The following ZNF454 variants were observed in gnomAD, a reference collection of about 807,000 sequenced individuals.
ZNF454 encodes the protein zinc finger protein 454.
Under a neutral mutation model 48.2 loss-of-function variants are expected in ZNF454, and 30 were observed. The ratio of observed to expected loss-of-function variants is 0.62; its 90% CI spans 0.47 to 0.84. ZNF454 has a LOEUF of 0.84. Among genes scored for constraint, ZNF454 ranks in the 40% least tolerant of loss-of-function variants. The probability of loss-of-function intolerance (pLI) is 0.00; values close to 1 mark genes in which losing one functional copy is unlikely to be tolerated. For synonymous variants in ZNF454, 204 were observed against 211.4 expected (o/e 0.97, Z 0.30); for missense variants, 510 against 623.1 (o/e 0.82, Z 1.93).
the ZNF454 span, among the ~76,000 whole-genome samples, chr5:178,972,235 AAATAT>A: frequency 6.6e-6 from 1 of 152,160 alleles, no homozygotes; most frequent in African/African-American, 2.4e-5. Flanking sequence ...CACCTGGCTA[AAATAT>A]AATATACAGA....
chr5:178,946,471 A>T lies in ZNF454; in HGVS notation c.146A>T (p.Asn49Ile), dbSNP rs778667821. The T allele has an allele frequency of 6.3e-7, 1 of 1,599,978 alleles. No homozygotes were observed. The highest frequency in any genetic ancestry group is 8.5e-7 in the Non-Finnish European group (1 of 1,176,180). Residue 49 changes from asparagine to isoleucine, a missense_variant, in exon 3 of 5, where the codon AAC becomes ATC. Physicochemically the swap from Asn to Ile is moderately radical, Grantham distance 149. Transcript: ENST00000519564. This position sits in a 1 kb window ranked among gnomAD's most constrained non-coding sequence, Gnocchi z 4.5. ...YRDVMLENYS[N>I]LVSLGLLGPK... ...GACGTGATGCTGGAGAACTACAGCA[A>T]CCTGGTCTCACTGGGTAAGTGGGAC...
the ZNF454 span, chr5:178,983,147 C>T: frequency 1.2e-6 from 2 of 1,613,984 alleles, no homozygotes; most frequent in Middle Eastern, 1.6e-4. Context: ...GCTCGGGGTC[C>T]ACCGTCCGCT....
rs750690545 is a variant in ZNF454 at position 178,959,284 on chromosome 5, G to A, written c.251-5371G>A. Among the ~76,000 whole-genome samples, 3 of 152,132 alleles carry A rather than the reference G, an allele frequency of 2.0e-5. No individual in the cohort carries two copies. In the South Asian group the frequency reaches 6.2e-4, roughly 32 times the overall value. Reference sequence around the variant, plus strand: ...TCATATATGAGGTGACTGCATGTACGTGGGTCTCATTCCGGGTTCCATAAT... The same window carrying A: ...TCATATATGAGGTGACTGCATGTACATGGGTCTCATTCCGGGTTCCATAAT... On this transcript the variant is annotated intron_variant, in intron 4 of 4. Coordinates refer to ENST00000519564, the MANE Select transcript of ZNF454 (RefSeq NM_001178089.3).
intron 2 of ZNF454, among the ~76,000 whole-genome samples, chr5:178,943,289 G>C (rs954591919): frequency 3.3e-5 from 5 of 152,176 alleles, no homozygotes; most frequent in African/African-American, 1.2e-4. Context: ...CATGGCAGAA[G>C]GTGAAGGGGG....
intron 4 of ZNF454, among the ~76,000 whole-genome samples, chr5:178,947,397 A>C (rs1167157747): frequency 6.6e-6 from 1 of 152,172 alleles, no homozygotes; most frequent in Non-Finnish European, 1.5e-5. Flanking sequence ...TGTGCCCACA[A>C]GGTATCTCCT....
At chr5:178,956,669 T>A (rs555821797) in intron 4 of ZNF454, among the ~76,000 whole-genome samples, 167 of 9,726 alleles carry the variant, frequency 0.017, no homozygotes, top group Middle Eastern at 0.083. Context: ...TATTTTATTT[T>A]ATTTAATTTA....
chr5:178,970,388 A>G (rs1362352350), downstream of ZNF454, among the ~76,000 whole-genome samples: 1 of 152,038 alleles, frequency 6.6e-6, no homozygotes, highest in Non-Finnish European at 1.5e-5. Context: ...ATATTTTTGT[A>G]ACAGTTTGTG....
the ZNF454 span, among the ~76,000 whole-genome samples, chr5:178,985,055 C>T: frequency 2.5e-4 from 38 of 152,138 alleles, no homozygotes; most frequent in Admixed American, 1.5e-3. Context: ...CATTATTTAA[C>T]GGCCAGCACG....
intron 4 of ZNF454, among the ~76,000 whole-genome samples, chr5:178,959,841 G>A (rs1273821647): frequency 8.6e-5 from 13 of 151,852 alleles, no homozygotes; most frequent in African/African-American, 2.4e-4. Flanking sequence ...TCCTGACCTC[G>A]TGATCCACCC....
At chr5:178,957,384 C>T (rs936474795) in intron 4 of ZNF454, among the ~76,000 whole-genome samples, 4 of 151,928 alleles carry the variant, frequency 2.6e-5, no homozygotes, top group African/African-American at 9.7e-5. Context: ...GATTTTAAAA[C>T]CATCTTTTTT....
At chr5:178,967,982 G>A (rs546780843), downstream of ZNF454, among the ~76,000 whole-genome samples, 3 of 151,836 alleles carry the variant, frequency 2.0e-5, no homozygotes, top group East Asian at 3.9e-4. Context: ...CTTGTGATCC[G>A]CCCACCTCGG....
the ZNF454 span, chr5:178,986,225 G>C: frequency 6.2e-7 from 1 of 1,614,152 alleles, no homozygotes; most frequent in Non-Finnish European, 8.5e-7. Context: ...TCAAAGATGC[G>C]GTAGATACGG....
chr5:178,948,406 T>A (rs1415164056), intron 4 of ZNF454, among the ~76,000 whole-genome samples: 2 of 152,236 alleles, frequency 1.3e-5, no homozygotes, highest in Non-Finnish European at 2.9e-5. Flanking sequence ...CATCCACAGT[T>A]CTACCACCTT....
the ZNF454 span, chr5:178,978,628 G>A: frequency 6.6e-6 from 1 of 152,210 alleles, no homozygotes; most frequent in East Asian, 1.9e-4. Context: ...CTGCTTTAGA[G>A]CTCTCATCCC....
chr5:178,978,613 T>C, the ZNF454 span: 1 of 152,202 alleles, frequency 6.6e-6, no homozygotes, highest in African/African-American at 2.4e-5. Context: ...GAACGTAATC[T>C]TACTCTGCTT....
the ZNF454 span, chr5:178,985,358 C>T: frequency 4.3e-5 from 18 of 416,562 alleles, no homozygotes; most frequent in Admixed American, 4.8e-4. Flanking sequence ...GCGGCCCTAA[C>T]TGAGCTGCTG....
intron 2 of ZNF454, among the ~76,000 whole-genome samples, chr5:178,945,214 TTGTG>T (rs1219404102): frequency 6.6e-6 from 1 of 150,956 alleles, no homozygotes. Flanking sequence ...GTCTGTGTGT[TTGTG>T]TGTGTGTCTC....
the ZNF454 span, chr5:178,988,784 G>C: frequency 1.5e-6 from 1 of 661,130 alleles, no homozygotes; most frequent in Non-Finnish European, 2.7e-6. The surrounding 1 kb of genome is among the most constrained non-coding windows in gnomAD (Gnocchi z 6.0). Context: ...ACCGGAACTT[G>C]TCTCATGTCT....
chr5:178,946,490 G>T lies in ZNF454; in HGVS notation c.160+5G>T. ...ACAGCAACCTGGTCTCACTGGGTAA[G>T]TGGGACCCCTGCAAGGTTTCTCTTC... On this transcript the variant is annotated splice_donor_5th_base_variant and intron_variant, in intron 3 of 4. Coordinates refer to ENST00000519564, the MANE Select transcript of ZNF454 (RefSeq NM_001178089.3). This position sits in a 1 kb window ranked among gnomAD's most constrained non-coding sequence, Gnocchi z 4.5. 2 of 1,589,186 alleles carry T rather than the reference G, an allele frequency of 1.3e-6. No homozygotes were observed. Among genetic ancestry groups the T allele is most frequent in the South Asian group, 2.3e-5 (2 of 88,004 alleles).
Sources: allele counts gnomAD v4.1 joint callset (sites outside exome capture counted in the v4.1 genomes callset), GRCh38; gene constraint gnomAD v4.1.1; non-coding constraint Gnocchi (gnomAD v3.1); transcripts MANE v1.5; gene names NCBI Gene and HGNC (gene_info 2026-07-23, HGNC 2026-07-21).